The following CNTN6 variants were observed in gnomAD, a reference collection of about 807,000 sequenced individuals.
CNTN6 encodes contactin-6.
Under a neutral mutation model 122.8 loss-of-function variants are expected in CNTN6, and 137 were observed. The observed-to-expected ratio is 1.12, with a 90% CI of 0.97 to 1.29. The LOEUF is 1.29. CNTN6 is among the 50% of genes most tolerant of loss of function. The pLI, the probability that CNTN6 is intolerant of heterozygous loss-of-function variation, is 0.00. For synonymous variants in CNTN6, 570 were observed against 426.0 expected, an observed-to-expected ratio of 1.34 and a Z score of -4.16; for missense variants, 1,634 against 1,223.4, an observed-to-expected ratio of 1.34 and a Z score of -5.01.
intron 1 of CNTN6, among the ~76,000 whole-genome samples, chr3:1,141,993 G>C (rs761146482): frequency 6.6e-6 from 1 of 152,034 alleles, no homozygotes; most frequent in East Asian, 1.9e-4. Flanking sequence ...AATAACAGAG[G>C]TACCATCTCT....
At chr3:1,384,740 CATATATACACATATATATACAT>C (rs1192028173) in intron 19 of CNTN6, among the ~76,000 whole-genome samples, 1,076 of 105,952 alleles carry the variant, frequency 0.01, 5 homozygotes, top group Non-Finnish European at 0.012. Flanking sequence ...CATATATATA[CATATATACACATATATATACAT>C]ATATATACAC....
chr3:1,366,006 A>G (rs1228413746), intron 12 of CNTN6, among the ~76,000 whole-genome samples: 2 of 152,152 alleles, frequency 1.3e-5, no homozygotes, highest in African/African-American at 2.4e-5. Flanking sequence ...TTGTCAAAGC[A>G]TGGTCTCTGG....
At chr3:1,366,723 A>G (rs189910456) in intron 12 of CNTN6, among the ~76,000 whole-genome samples, 19 of 152,244 alleles carry the variant, frequency 1.2e-4, no homozygotes, top group East Asian at 3.9e-4. Flanking sequence ...AGAGCAATCA[A>G]TGGCCTCATG....
At chr3:1,394,828 G>A (rs775359866) in intron 20 of CNTN6, among the ~76,000 whole-genome samples, 20 of 152,186 alleles carry the variant, frequency 1.3e-4, no homozygotes, top group East Asian at 9.7e-4. Context: ...GATGGTTAAC[G>A]TATGATCAAT....
At chr3:1,154,529 TG>T (rs1399894339) in intron 2 of CNTN6, among the ~76,000 whole-genome samples, 1 of 151,630 alleles carries the variant, frequency 6.6e-6, no homozygotes, top group Non-Finnish European at 1.5e-5. Flanking sequence ...CTGCAACCTC[TG>T]CCTCCCAGGT....
intron 5 of CNTN6, among the ~76,000 whole-genome samples, chr3:1,293,710 T>G (rs2125856568): frequency 6.6e-6 from 1 of 152,234 alleles, no homozygotes; most frequent in Middle Eastern, 3.4e-3. Context: ...AACTGAAGAC[T>G]TTTTTTGAGT....
chr3:1,246,931 T>C (rs1327678385), intron 4 of CNTN6, among the ~76,000 whole-genome samples: 3 of 152,188 alleles, frequency 2.0e-5, no homozygotes, highest in Non-Finnish European at 4.4e-5. Context: ...CAATGTTGCT[T>C]TTTTGTGTAG....
At chr3:1,344,236 G>A (rs1293906324) in intron 11 of CNTN6, among the ~76,000 whole-genome samples, 1 of 152,102 alleles carries the variant, frequency 6.6e-6, no homozygotes, top group Non-Finnish European at 1.5e-5. Context: ...TCCACCTGCA[G>A]GGCAGCAATG....
At chr3:1,329,355 G>A (rs969390727) in intron 10 of CNTN6, among the ~76,000 whole-genome samples, 6 of 151,138 alleles carry the variant, frequency 4.0e-5, no homozygotes, top group South Asian at 2.1e-4. Context: ...TTCCTTCTTC[G>A]GCCTCTTTTG....
intron 1 of CNTN6, among the ~76,000 whole-genome samples, chr3:1,104,222 A>G (rs2124980787): frequency 6.6e-6 from 1 of 151,560 alleles, no homozygotes; most frequent in South Asian, 2.1e-4. Flanking sequence ...AATGAGCATT[A>G]GAAGCCATTA....
intron 2 of CNTN6, among the ~76,000 whole-genome samples, chr3:1,198,442 GC>G (rs1466180693): frequency 1.3e-5 from 2 of 152,132 alleles, no homozygotes; most frequent in Admixed American, 6.5e-5. Context: ...AAAAATGCTG[GC>G]CAGGCACAGT....
intron 11 of CNTN6, among the ~76,000 whole-genome samples, chr3:1,339,115 T>C (rs1703521368): frequency 6.6e-6 from 1 of 152,090 alleles, no homozygotes; most frequent in African/African-American, 2.4e-5. Context: ...CTTTTTTTCA[T>C]AGTAGAACTT....
chr3:1,158,558 G>A (rs1328403101), intron 2 of CNTN6, among the ~76,000 whole-genome samples: 1 of 149,466 alleles, frequency 6.7e-6, no homozygotes, highest in Non-Finnish European at 1.5e-5. Context: ...TTTAAAGATT[G>A]TTTCTTGACA....
intron 16 of CNTN6, among the ~76,000 whole-genome samples, chr3:1,374,980 A>G (rs1709652111): frequency 6.6e-6 from 1 of 152,078 alleles, no homozygotes; most frequent in Non-Finnish European, 1.5e-5. Context: ...GAAGAGGAAA[A>G]TGAACACCAG....
rs150393896 is a variant in CNTN6 at position 1,325,857 on chromosome 3, C to T, written c.989C>T (p.Ser330Phe). 1 of 1,611,924 alleles carries T rather than the reference C, an allele frequency of 6.2e-7. No individual in the cohort carries two copies. The highest frequency in any genetic ancestry group is 8.5e-7 in the Non-Finnish European group (1 of 1,178,678). ...CAGAAAATCCAAAATACACACCTCT[C>T]TATCTATGACAACTTGCTCTGGGAA... ...WEQKIQNTHL[S>F]IYDNLLWECK... The change falls in exon 9 of 23, where the codon TCT becomes TTT. Residue 330 changes from serine to phenylalanine, a missense_variant. Physicochemically the swap from Ser to Phe is radical, Grantham distance 155. Coordinates refer to ENST00000446702, the MANE Select transcript of CNTN6 (RefSeq NM_001289080.2).
chr3:1,384,390 G>A (rs988529863), intron 19 of CNTN6, among the ~76,000 whole-genome samples: 12 of 141,884 alleles, frequency 8.5e-5, no homozygotes, highest in African/African-American at 3.4e-4. Context: ...AGTATAACTT[G>A]GAAAGATGTA....
intron 5 of CNTN6, among the ~76,000 whole-genome samples, chr3:1,280,874 T>A (rs557802244): frequency 6.6e-6 from 1 of 152,158 alleles, no homozygotes; most frequent in Non-Finnish European, 1.5e-5. Context: ...TAACTGGCTG[T>A]TAAGGGACAC....
chr3:1,182,808 T>A (rs957873897), intron 2 of CNTN6, among the ~76,000 whole-genome samples: 8 of 152,120 alleles, frequency 5.3e-5, no homozygotes, highest in African/African-American at 1.9e-4. Flanking sequence ...CTATGAATAT[T>A]TTTTCTTGCA....
chr3:1,343,555 G>A (rs886779701), intron 11 of CNTN6, among the ~76,000 whole-genome samples: 20 of 152,038 alleles, frequency 1.3e-4, no homozygotes, highest in Admixed American at 9.8e-4. Flanking sequence ...ATATACATCT[G>A]GCTCTAGAAA....
Sources: gnomAD v4.1 joint callset for allele counts (sites outside exome capture counted in the v4.1 genomes callset) on GRCh38, gnomAD v4.1.1 for gene constraint, MANE v1.5 for transcripts, NCBI Gene and HGNC (gene_info 2026-07-23, HGNC 2026-07-21) for gene names.